Variants in VCPKMT observed in about 807,000 individuals in gnomAD.
VCPKMT encodes the protein protein N-lysine methyltransferase METTL21D.
Under a neutral mutation model 28.6 loss-of-function variants are expected in VCPKMT, and 32 were observed. That is an observed-to-expected ratio of 1.12 (90% CI 0.84 to 1.50). The LOEUF (loss-of-function observed/expected upper bound fraction) is 1.50, where lower values mean the gene tolerates loss of function less well. Ranked by LOEUF, VCPKMT falls within the 40% of genes most tolerant of loss-of-function variation. VCPKMT has a pLI of 0.00. For missense variants in VCPKMT, 366 were observed against 285.0 expected, an observed-to-expected ratio of 1.28 and a Z score of -2.05; for synonymous variants, 138 against 111.4, an observed-to-expected ratio of 1.24 and a Z score of -1.50.
intron 5 of VCPKMT, 141 bp downstream of exon 5, chr14:50,112,474 T>C (rs1346921829): frequency 2.0e-6 from 1 of 497,714 alleles, no homozygotes. Flanking sequence ...ATCTTGACAA[T>C]GAAGTTACTG....
At chr14:50,114,606 T>C (rs951092098) in intron 3 of VCPKMT, among the ~76,000 whole-genome samples, 1 of 151,766 alleles carries the variant, frequency 6.6e-6, no homozygotes, top group Admixed American at 6.6e-5. Flanking sequence ...AAGGCAGAGG[T>C]GGAAAGATCG....
At chr14:50,109,968 G>A (rs536017548) in intron 5 of VCPKMT, among the ~76,000 whole-genome samples, 54 of 152,278 alleles carry the variant, frequency 3.5e-4, no homozygotes, top group African/African-American at 1.0e-3. Context: ...AACATAGGCC[G>A]GGTGTGGTGG....
chr14:50,115,862 C>G lies in VCPKMT; in HGVS notation c.427G>C (p.Ala143Pro). ...ACCTCTTCATAGTATATGCAGTCGG[C>G]CATCAGTATGAAGTCGGGTGGAGAA... ...FPSPPDFILMADCIYYEESLE... is the reference protein window; with the variant it reads ...FPSPPDFILMPDCIYYEESLE... Residue 143 changes from alanine (A) to proline (P), a missense_variant, in exon 3 of 6, where the codon GCC (alanine) becomes CCC (proline). Physicochemically the swap from Ala to Pro is conservative, Grantham distance 27 (BLOSUM62 -1). Coordinates refer to ENST00000395860, the MANE Select transcript of VCPKMT (RefSeq NM_024558.3). The G allele has an allele frequency of 6.2e-7, 1 of 1,612,874 alleles. No individual in the cohort carries two copies. The highest frequency in any genetic ancestry group is 8.5e-7 in the Non-Finnish European group (1 of 1,178,988).
At chr14:50,105,926 T>A (rs189141189), downstream of VCPKMT, among the ~76,000 whole-genome samples, 3 of 152,188 alleles carry the variant, frequency 2.0e-5, no homozygotes, top group Admixed American at 2.0e-4. Flanking sequence ...CAAAGTTCAG[T>A]CCTGTTTATT....
intron 5 of VCPKMT, 31 bp from the exon 6 acceptor site, chr14:50,109,744 T>C (rs200498141): frequency 6.1e-5 from 97 of 1,588,896 alleles, no homozygotes; most frequent in African/African-American, 9.4e-5. Context: ...ACTTAAAAGA[T>C]TGATTTACCA....
chr14:50,106,098 G>A (rs1048191870), downstream of VCPKMT, among the ~76,000 whole-genome samples: 1 of 152,128 alleles, frequency 6.6e-6, no homozygotes, highest in Non-Finnish European at 1.5e-5. Flanking sequence ...ACGGATAAAA[G>A]AGGTTTCCTT....
chr14:50,114,395 G>T lies in VCPKMT; in HGVS notation c.460C>A (p.Pro154Thr). The change falls in exon 4 of 6, where the codon CCA (proline) becomes ACA (threonine). Residue 154 changes from proline (P) to threonine (T), a missense_variant. Transcript: ENST00000395860. ...DCIYYEESLE[P>T]LLKTLKDISG... ...ATATCTTTTAGAGTTTTCAGCAATG[G>T]CTCCAAAGACTATTTAAAAAAGAAT... is the stretch of plus-strand genomic sequence containing the variant. 1 of 1,540,752 alleles carries T rather than the reference G, an allele frequency of 6.5e-7. No individual in the cohort carries two copies. Among genetic ancestry groups the T allele is most frequent in the Non-Finnish European group, 8.7e-7 (1 of 1,147,598 alleles).
Position 50,116,088 on chromosome 14 carries a change from G to T in VCPKMT, c.358C>A (p.Gln120Lys). Residue 120 changes from glutamine to lysine, a missense_variant, in exon 2 of 6, where the codon CAA becomes AAA. Gln to Lys is a moderately conservative substitution (Grantham distance 53). Transcript: ENST00000395860. Reference sequence around the variant, plus strand: ...ACAAACCATTTCAGTACCTTGGCTTGAACAGAACCAGTGACAAGATGCTTG... The same window carrying T: ...ACAAACCATTTCAGTACCTTGGCTTTAACAGAACCAGTGACAAGATGCTTG... ...MNKHLVTGSVQAKVLKWGEEI... is the reference protein window; with the variant it reads ...MNKHLVTGSVKAKVLKWGEEI... The T allele has an allele frequency of 1.2e-6, 2 of 1,613,232 alleles. No individual in the cohort carries two copies. The highest frequency in any genetic ancestry group is 2.2e-5 in the South Asian group (2 of 90,916).
chr14:50,111,634 T>C, intron 5 of VCPKMT: 5 of 985,000 alleles, frequency 5.1e-6, no homozygotes, highest in Non-Finnish European at 6.0e-6. Flanking sequence ...TCCCAACAAT[T>C]TGGGAGGCCG....
chr14:50,103,124 G>A, the VCPKMT span, among the ~76,000 whole-genome samples: 1 of 152,194 alleles, frequency 6.6e-6, no homozygotes, highest in Non-Finnish European at 1.5e-5. Context: ...TCTCCTTCCA[G>A]TGTGGCCCAG....
chr14:50,111,205 T>C (rs1413234706), intron 5 of VCPKMT: 1 of 981,920 alleles, frequency 1.0e-6, no homozygotes, highest in Non-Finnish European at 1.2e-6. Flanking sequence ...AAAGCCTCTA[T>C]ATTTAGGAAA....
Position 50,116,373 on chromosome 14 carries a change from G to T in VCPKMT, c.180C>A (p.Gly60=), listed in dbSNP as rs760871874. The T allele has an allele frequency of 6.2e-6, 10 of 1,613,382 alleles. No individual in the cohort carries two copies. The highest frequency in any genetic ancestry group is 2.5e-6 in the Non-Finnish European group (3 of 1,179,824). ...GCCGGCTCAGCGCGTGGGCCCCGTC[G>T]CCAGAAAACTCGGGCGTTTCCAGGT... ...SKYLETPEFS[G]DGAHALSRRS... is the part of the protein sequence containing the mutation. Residue 60 remains glycine (G), a synonymous_variant, in exon 1 of 6, where the codon GGC becomes GGA. Transcript: ENST00000395860.
chr14:50,109,806 G>C (rs1484486720), intron 5 of VCPKMT, 93 bp from the exon 6 acceptor site: 3 of 1,401,408 alleles, frequency 2.1e-6, no homozygotes, highest in African/African-American at 2.9e-5. Context: ...ATAATGCCTA[G>C]TATGCCTAGT....
At chr14:50,111,533 C>G in intron 5 of VCPKMT, 1 of 985,346 alleles carries the variant, frequency 1.0e-6, no homozygotes, top group Non-Finnish European at 1.2e-6. Flanking sequence ...TAAAACTAAT[C>G]ATCTCCCTGC....
chr14:50,106,356 A>G (rs889014090), downstream of VCPKMT, among the ~76,000 whole-genome samples: 2 of 152,168 alleles, frequency 1.3e-5, no homozygotes, highest in African/African-American at 4.8e-5. Flanking sequence ...GGCAACCCAC[A>G]CTTGCCCACA....
downstream of VCPKMT, among the ~76,000 whole-genome samples, chr14:50,106,986 C>G (rs554800530): frequency 4.6e-5 from 7 of 152,354 alleles, no homozygotes; most frequent in South Asian, 1.0e-3. Flanking sequence ...TCCCAAAGTG[C>G]TGGGATTACA....
At chr14:50,114,463 T>A in intron 3 of VCPKMT, 59 bp from the exon 4 acceptor site, 1 of 1,269,486 alleles carries the variant, frequency 7.9e-7, no homozygotes, top group Non-Finnish European at 1.0e-6. Context: ...ACTCTAAAAG[T>A]AGGTTGAGGA....
At chr14:50,105,224 T>A, downstream of VCPKMT, among the ~76,000 whole-genome samples, 1 of 152,206 alleles carries the variant, frequency 6.6e-6, no homozygotes, top group East Asian at 1.9e-4. Context: ...ATCTGTCATA[T>A]CATATTTTGC....
chr14:50,108,520 T>A, downstream of VCPKMT: 1 of 801,746 alleles, frequency 1.2e-6, no homozygotes, highest in Non-Finnish European at 1.5e-6. Context: ...CTGAAAGGAA[T>A]GAACTGATTT....
Sources: gnomAD v4.1 joint callset for allele counts (sites outside exome capture counted in the v4.1 genomes callset) on GRCh38, gnomAD v4.1.1 for gene constraint, MANE v1.5 for transcripts, NCBI Gene and HGNC (gene_info 2026-07-23, HGNC 2026-07-21) for gene names.